Variants in CACNA1D observed in about 807,000 individuals in gnomAD.
CACNA1D encodes voltage-dependent L-type calcium channel subunit alpha-1D.
In CACNA1D, 55 loss-of-function variants were observed where a neutral mutation model predicts 257.1. The observed-to-expected ratio is 0.21, with a 90% CI of 0.17 to 0.27. CACNA1D has a LOEUF of 0.27. Among genes scored for constraint, CACNA1D ranks in the 10% least tolerant of loss-of-function variants. The probability of loss-of-function intolerance (pLI) is 1.00; values close to 1 mark genes in which losing one functional copy is unlikely to be tolerated. For missense variants in CACNA1D, 1,876 were observed against 2,784.0 expected, an observed-to-expected ratio of 0.67 and a Z score of 7.34; for synonymous variants, 980 against 1,014.9, an observed-to-expected ratio of 0.97 and a Z score of 0.65.
At chr3:53,517,192 C>T (rs1182243824) in intron 3 of CACNA1D, among the ~76,000 whole-genome samples, 1 of 141,882 alleles carries the variant, frequency 7.0e-6, no homozygotes, top group Admixed American at 7.0e-5. Context: ...TTCATCTTGC[C>T]TTCTAATCCC....
intron 8 of CACNA1D, 128 bp from the exon 9 acceptor site, chr3:53,702,513 T>C (rs2094637050): frequency 4.7e-6 from 4 of 843,878 alleles, no homozygotes; most frequent in Admixed American, 3.9e-5. Flanking sequence ...GCTCCATTGC[T>C]GTGCTCATGT....
chr3:53,634,801 C>T (rs1193878251), intron 3 of CACNA1D, among the ~76,000 whole-genome samples: 1 of 152,122 alleles, frequency 6.6e-6, no homozygotes, highest in Non-Finnish European at 1.5e-5. Context: ...GATGAGGAGA[C>T]CGTTGCTTGG....
rs114305108 is a variant in CACNA1D, at chr3:53,530,037, T to G, written c.483+28317T>G. On this transcript the variant is annotated intron_variant, in intron 3 of 47. Coordinates refer to ENST00000350061, the MANE Select transcript of CACNA1D (RefSeq NM_001128840.3). The stretch of plus-strand genomic sequence containing the variant: ...CTGGCCTCAGATAAGAATGTTTTTT[T>G]AATCTGTATTGGTGGCATTGTTGGT... 3.4e-3 allele frequency among the ~76,000 whole-genome samples: 525 copies of G among 152,338 alleles called. 4 individuals are homozygous for G. The highest frequency in any genetic ancestry group is 0.012 in the African/African-American group (488 of 41,576).
intron 3 of CACNA1D, among the ~76,000 whole-genome samples, chr3:53,614,126 CA>C (rs60855377): frequency 1.7e-3 from 184 of 108,752 alleles, no homozygotes; most frequent in East Asian, 3.0e-3. Flanking sequence ...GCCCCCAACT[CA>C]AAAAAAAAAA....
At chr3:53,795,038 T>G (rs1469886230) in intron 40 of CACNA1D, among the ~76,000 whole-genome samples, 2 of 152,214 alleles carry the variant, frequency 1.3e-5, no homozygotes, top group Non-Finnish European at 2.9e-5. Context: ...CTTCCCAGTC[T>G]CAGCCCACTC....
chr3:53,522,558 G>A lies in CACNA1D; in HGVS notation c.483+20838G>A, dbSNP rs139134781. Among the ~76,000 whole-genome samples the A allele has an allele frequency of 4.4e-3, 671 of 152,330 alleles. 4 individuals carry two copies. The highest frequency in any genetic ancestry group is 0.016 in the African/African-American group (646 of 41,580). On this transcript the variant is annotated intron_variant, in intron 3 of 47. Coordinates refer to ENST00000350061, the MANE Select transcript of CACNA1D (RefSeq NM_001128840.3). ...AAGAAGTGTGTTCTTTCTTGGAGAGGTTAGCTCCTAAAAGTGAATGCTGAA... is the reference window on the plus strand; with the variant it reads ...AAGAAGTGTGTTCTTTCTTGGAGAGATTAGCTCCTAAAAGTGAATGCTGAA...
chr3:53,776,973 C>A lies in CACNA1D; in HGVS notation c.4587+17C>A. On this transcript the variant is annotated intron_variant, in intron 37 of 47. Coordinates refer to ENST00000350061, the MANE Select transcript of CACNA1D (RefSeq NM_001128840.3). ...GCGTGCAAGGTGAGTGTCCTGTGTGCGTGTCTGACAGCCTGTCTTGTAGAA... is the reference window on the plus strand; with the variant it reads ...GCGTGCAAGGTGAGTGTCCTGTGTGAGTGTCTGACAGCCTGTCTTGTAGAA... The A allele has an allele frequency of 6.4e-7, 1 of 1,565,374 alleles. No homozygotes were observed. Among genetic ancestry groups the A allele is most frequent in the Non-Finnish European group, 8.8e-7 (1 of 1,135,822 alleles).
intron 3 of CACNA1D, among the ~76,000 whole-genome samples, chr3:53,566,087 A>G (rs1355180535): frequency 6.6e-6 from 1 of 152,226 alleles, no homozygotes; most frequent in African/African-American, 2.4e-5. Context: ...AAGAATGATT[A>G]GGTACTGAAA....
At chr3:53,671,939 T>G (rs2094327141) in intron 7 of CACNA1D, among the ~76,000 whole-genome samples, 1 of 152,152 alleles carries the variant, frequency 6.6e-6, no homozygotes, top group Admixed American at 6.5e-5. Context: ...AAATTCTGGG[T>G]GTTGTGGCAG....
At chr3:53,735,205 C>T (rs574719782) in intron 19 of CACNA1D, among the ~76,000 whole-genome samples, 169 bp from the exon 20 acceptor site, 5 of 152,312 alleles carry the variant, frequency 3.3e-5, no homozygotes, top group Admixed American at 6.5e-5. Flanking sequence ...TGGTGGGCTT[C>T]GAGAGGCTGA....
chr3:53,628,693 C>A (rs922536803), intron 3 of CACNA1D, among the ~76,000 whole-genome samples: 1 of 152,138 alleles, frequency 6.6e-6, no homozygotes, highest in African/African-American at 2.4e-5. Context: ...CAAAGCTGAG[C>A]GCCATATGTG....
intron 3 of CACNA1D, among the ~76,000 whole-genome samples, chr3:53,537,558 T>C (rs1354973600): frequency 2.0e-5 from 3 of 148,596 alleles, no homozygotes; most frequent in Non-Finnish European, 4.5e-5. Flanking sequence ...GAGAAAAAAA[T>C]AATAATTCCT....
At chr3:53,731,945 G>A (rs56013086) in intron 17 of CACNA1D, 71 bp from the exon 18 acceptor site, 1 of 969,198 alleles carries the variant, frequency 1.0e-6, no homozygotes, top group Admixed American at 1.7e-5. Context: ...TGGACCACCA[G>A]GGTGACTTTT....
chr3:53,747,627 G>A (rs2095183404), intron 26 of CACNA1D, among the ~76,000 whole-genome samples, 179 bp downstream of exon 26: 1 of 152,150 alleles, frequency 6.6e-6, no homozygotes. Context: ...CTGTGTAGGT[G>A]GATGATTTGT....
chr3:53,534,901 C>T (rs1024795930), intron 3 of CACNA1D, among the ~76,000 whole-genome samples: 4 of 152,206 alleles, frequency 2.6e-5, no homozygotes, highest in Admixed American at 1.3e-4. Flanking sequence ...GTTTCTTATG[C>T]ACCTCATCAG....
chr3:53,693,741 T>G (rs2094549206), intron 8 of CACNA1D, among the ~76,000 whole-genome samples: 1 of 152,200 alleles, frequency 6.6e-6, no homozygotes, highest in Non-Finnish European at 1.5e-5. Context: ...GCCTTCTGTT[T>G]TACTAAAAAT....
At chr3:53,665,566 G>C (rs1276125856) in intron 5 of CACNA1D, 94 bp from the exon 6 acceptor site, 2 of 949,454 alleles carry the variant, frequency 2.1e-6, no homozygotes, top group Non-Finnish European at 3.4e-6. Flanking sequence ...ATTACTATGT[G>C]TTCTAAGTAA....
At chr3:53,523,954 G>A (rs1301280333) in intron 3 of CACNA1D, among the ~76,000 whole-genome samples, 9 of 152,232 alleles carry the variant, frequency 5.9e-5, no homozygotes, top group Admixed American at 5.9e-4. Flanking sequence ...CTCAAGGACT[G>A]GTGCAGAGTG....
intron 40 of CACNA1D, chr3:53,791,149 G>C: frequency 1.5e-6 from 1 of 653,440 alleles, no homozygotes; most frequent in Non-Finnish European, 2.8e-6. Flanking sequence ...CAAGGCCCCA[G>C]GGAGACCCCT....
Sources: allele counts gnomAD v4.1 joint callset (sites outside exome capture counted in the v4.1 genomes callset), GRCh38; gene constraint gnomAD v4.1.1; transcripts MANE v1.5; gene names NCBI Gene and HGNC (gene_info 2026-07-23, HGNC 2026-07-21).